ETFA: variants seen among roughly 807,000 people sequenced by gnomAD.
The protein encoded by ETFA is electron transfer flavoprotein subunit alpha, mitochondrial.
In ETFA, 22 loss-of-function variants were observed where a neutral mutation model predicts 46.2. The observed-to-expected ratio is 0.48, with a 90% CI of 0.34 to 0.68. The LOEUF (loss-of-function observed/expected upper bound fraction) is 0.68. Ranked by LOEUF, ETFA falls within the 30% of genes least tolerant of loss-of-function variation. ETFA has a pLI of 0.01. For synonymous variants in ETFA, 131 were observed against 139.9 expected (o/e 0.94, Z 0.45); for missense variants, 345 against 401.1 (o/e 0.86, Z 1.19).
intron 9 of ETFA, among the ~76,000 whole-genome samples, chr15:76,271,103 G>T (rs567763412): frequency 6.9e-6 from 1 of 145,610 alleles, no homozygotes; most frequent in Admixed American, 7.1e-5. Flanking sequence ...CCTGAAGGCA[G>T]AAGTTCCAGT....
intron 8 of ETFA, among the ~76,000 whole-genome samples, chr15:76,281,338 T>G (rs1377731631): frequency 6.6e-6 from 1 of 152,042 alleles, no homozygotes; most frequent in Non-Finnish European, 1.5e-5. Flanking sequence ...CAAATCTGGC[T>G]ATCTTATTTT....
intron 11 of ETFA, among the ~76,000 whole-genome samples, chr15:76,218,785 A>C (rs1047622506): frequency 6.6e-6 from 1 of 152,194 alleles, no homozygotes; most frequent in Non-Finnish European, 1.5e-5. Context: ...CTACTGATAT[A>C]AATCACAGTA....
chr15:76,294,640 C>G (rs1306985375), intron 2 of ETFA, among the ~76,000 whole-genome samples: 1 of 152,198 alleles, frequency 6.6e-6, no homozygotes, highest in African/African-American at 2.4e-5. Context: ...AACTCTGCCA[C>G]CAAGGTTCAA....
intron 9 of ETFA, among the ~76,000 whole-genome samples, chr15:76,255,082 G>A (rs868020695): frequency 6.6e-6 from 1 of 152,150 alleles, no homozygotes; most frequent in East Asian, 1.9e-4. Context: ...TCAACCCACT[G>A]CAGCAACAAC....
At chr15:76,277,421 G>A (rs1218096544) in intron 8 of ETFA, among the ~76,000 whole-genome samples, 5 of 152,016 alleles carry the variant, frequency 3.3e-5, no homozygotes. Flanking sequence ...TTCACCATGT[G>A]GAAGAGCTCC....
At chr15:76,277,870 C>T (rs911888032) in intron 8 of ETFA, among the ~76,000 whole-genome samples, 9 of 152,180 alleles carry the variant, frequency 5.9e-5, no homozygotes, top group African/African-American at 2.2e-4. Context: ...CCTACCCCAC[C>T]ACCAGCTCCT....
Position 76,260,047 on chromosome 15 carries a change from G to T in ETFA, c.816+14365C>A, listed in dbSNP as rs1596204286. The T allele has an allele frequency of 4.0e-6, 6 of 1,482,950 alleles. No individual in the cohort carries two copies. The East Asian group carries it at 6.8e-5, about 17-fold the overall frequency. 91.9% of individuals were successfully genotyped at this position (1,482,950 alleles called of 1,614,324 possible). The stretch of plus-strand genomic sequence containing the variant: ...AATGTCACTTGAGGCAATGAGATCA[G>T]CTTTCAGCATCTTCATAGCCACTTT... On this transcript the variant is annotated intron_variant, in intron 9 of 11. Coordinates refer to ENST00000557943, the MANE Select transcript of ETFA (RefSeq NM_000126.4).
At chr15:76,236,464 C>T (rs985664110) in intron 9 of ETFA, among the ~76,000 whole-genome samples, 1 of 152,158 alleles carries the variant, frequency 6.6e-6, no homozygotes, top group African/African-American at 2.4e-5. Context: ...AATCATAGAA[C>T]AAACTAAAGA....
chr15:76,228,751 C>CTTTTTT (rs990306452), intron 10 of ETFA: 4 of 115,294 alleles, frequency 3.5e-5, no homozygotes, highest in South Asian at 2.7e-4. Flanking sequence ...ATTATTATTA[C>CTTTTTT]TTTTTTTTTT....
chr15:76,252,869 A>ATG (rs2039312208), intron 9 of ETFA, among the ~76,000 whole-genome samples: 2 of 134,582 alleles, frequency 1.5e-5, no homozygotes, highest in Admixed American at 7.7e-5. Flanking sequence ...GAAAAAATGT[A>ATG]TGTGTATACA....
intron 1 of ETFA, among the ~76,000 whole-genome samples, chr15:76,306,191 C>T (rs1385814690): frequency 6.6e-6 from 1 of 151,858 alleles, no homozygotes; most frequent in Non-Finnish European, 1.5e-5. Context: ...TGATTGTAAC[C>T]TATACCTCCA....
At chr15:76,239,501 C>T (rs2039162889) in intron 9 of ETFA, among the ~76,000 whole-genome samples, 1 of 152,122 alleles carries the variant, frequency 6.6e-6, no homozygotes, top group African/African-American at 2.4e-5. Flanking sequence ...ATTCATCCAG[C>T]ATAACAAATT....
rs553882592 is a variant in ETFA, at chr15:76,247,708, A to G, written c.817-16310T>C. 3.9e-5 allele frequency among the ~76,000 whole-genome samples: 6 copies of G among 152,340 alleles called. No homozygotes were observed. In the East Asian group the frequency reaches 7.7e-4, roughly 20 times the overall value. On this transcript the variant is annotated intron_variant, in intron 9 of 11. Transcript: ENST00000557943. ...TTACATTATGGTACGTGTTTGGAGC[A>G]GTGTAGAAGAAATAACTGATACTGT...
intron 11 of ETFA, among the ~76,000 whole-genome samples, chr15:76,218,081 G>A (rs901275526): frequency 6.6e-6 from 1 of 152,152 alleles, no homozygotes; most frequent in Admixed American, 6.5e-5. Flanking sequence ...AGTTTCACAC[G>A]GGACCTGTAT....
chr15:76,302,888 C>T (rs1313803643), intron 1 of ETFA, among the ~76,000 whole-genome samples: 4 of 152,164 alleles, frequency 2.6e-5, no homozygotes, highest in African/African-American at 9.6e-5. Context: ...TCTATGTTGC[C>T]CAGGCTGGCG....
intron 4 of ETFA, among the ~76,000 whole-genome samples, chr15:76,288,692 A>G (rs2141534477): frequency 6.7e-6 from 1 of 150,210 alleles, no homozygotes; most frequent in South Asian, 2.2e-4. Context: ...AGCCTTGGTG[A>G]CAGAGCGAGA....
At chr15:76,264,020 C>A (rs1311174273) in intron 9 of ETFA, among the ~76,000 whole-genome samples, 1 of 152,078 alleles carries the variant, frequency 6.6e-6, no homozygotes, top group Non-Finnish European at 1.5e-5. Flanking sequence ...TGGTGCTATA[C>A]AAAATTCTAT....
intron 5 of ETFA, 95 bp downstream of exon 5, chr15:76,287,751 T>C (rs147400072): frequency 1.6e-5 from 15 of 945,066 alleles, no homozygotes; most frequent in South Asian, 7.0e-5. Context: ...CTTAAAGCAA[T>C]TGTATGGTTT....
intron 4 of ETFA, among the ~76,000 whole-genome samples, chr15:76,290,576 C>T (rs1024789045): frequency 2.0e-5 from 3 of 151,908 alleles, no homozygotes; most frequent in African/African-American, 7.3e-5. Context: ...GGCTACAACT[C>T]CTGGGCTCAG....
Sources: allele counts gnomAD v4.1 joint callset (sites outside exome capture counted in the v4.1 genomes callset), GRCh38; gene constraint gnomAD v4.1.1; transcripts MANE v1.5; gene names NCBI Gene and HGNC (gene_info 2026-07-23, HGNC 2026-07-21).